KAT6B: variants seen among roughly 807,000 people sequenced by gnomAD.
The protein encoded by KAT6B is histone acetyltransferase KAT6B.
In KAT6B, 10 loss-of-function variants were observed where a neutral mutation model predicts 187.5. The ratio of observed to expected loss-of-function variants is 0.05; its 90% confidence interval spans 0.03 to 0.09. The LOEUF (loss-of-function observed/expected upper bound fraction) is 0.09, where lower values mean the gene tolerates loss of function less well. KAT6B is among the 10% of genes least tolerant of loss of function. The pLI is 1.00. For missense variants in KAT6B, 1,952 were observed against 2,558.9 expected, an observed-to-expected ratio of 0.76 and a Z score of 5.12; for synonymous variants, 861 against 926.8, an observed-to-expected ratio of 0.93 and a Z score of 1.29.
chr10:74,825,971 G>A (rs1661005022), upstream of KAT6B, among the ~76,000 whole-genome samples: 1 of 151,598 alleles, frequency 6.6e-6, no homozygotes, highest in Non-Finnish European at 1.5e-5. The surrounding 1 kb of genome is among the most constrained non-coding windows in gnomAD (Gnocchi z 5.0). Context: ...CGCTCCGGGC[G>A]GCGCGCCCGT....
chr10:74,965,041 A>G (rs1841363644), intron 4 of KAT6B, among the ~76,000 whole-genome samples: 4 of 152,220 alleles, frequency 2.6e-5, no homozygotes, highest in African/African-American at 9.6e-5. Flanking sequence ...TATAAATCTG[A>G]TCACATAATT....
At chr10:74,919,164 A>G (rs1847926222) in intron 3 of KAT6B, among the ~76,000 whole-genome samples, 1 of 152,130 alleles carries the variant, frequency 6.6e-6, no homozygotes, top group Non-Finnish European at 1.5e-5. Flanking sequence ...TGGAGGTTGC[A>G]GTGAGCCAAG....
chr10:74,976,451 C>A, intron 8 of KAT6B, 121 bp downstream of exon 8: 1 of 832,694 alleles, frequency 1.2e-6, no homozygotes, highest in Non-Finnish European at 2.0e-6. Flanking sequence ...CTCTTGTTCT[C>A]ACTTCACTTT....
chr10:75,022,746 C>T (rs1471443633), intron 16 of KAT6B, among the ~76,000 whole-genome samples: 4 of 152,144 alleles, frequency 2.6e-5, no homozygotes, highest in Non-Finnish European at 4.4e-5. Flanking sequence ...GCCTGGCTAA[C>T]GTGGTGAAAT....
intron 9 of KAT6B, 29 bp from the exon 10 acceptor site, chr10:74,979,195 A>G: frequency 1.4e-6 from 2 of 1,469,672 alleles, no homozygotes; most frequent in Non-Finnish European, 1.9e-6. Context: ...TATATATATT[A>G]TTATTTTCCT....
chr10:75,003,961 C>G (rs1007513309), intron 13 of KAT6B, among the ~76,000 whole-genome samples: 2 of 151,910 alleles, frequency 1.3e-5, no homozygotes, highest in East Asian at 3.9e-4. Context: ...AAATATGAAA[C>G]ATACGGTCTG....
At chr10:74,838,204 G>A (rs2132027580) in intron 1 of KAT6B, among the ~76,000 whole-genome samples, 2 of 152,266 alleles carry the variant, frequency 1.3e-5, no homozygotes, top group East Asian at 3.9e-4. Flanking sequence ...GGTCATATCT[G>A]GGTAGTCCAT....
chr10:74,907,760 C>G (rs527978969), intron 3 of KAT6B, among the ~76,000 whole-genome samples: 2 of 152,284 alleles, frequency 1.3e-5, no homozygotes, highest in African/African-American at 4.8e-5. Context: ...AAACTCTTGA[C>G]CTCAGGTGAT....
At chr10:74,945,102 C>A (rs1389312052) in intron 3 of KAT6B, among the ~76,000 whole-genome samples, 1 of 152,100 alleles carries the variant, frequency 6.6e-6, no homozygotes, top group African/African-American at 2.4e-5. Context: ...CATAGAGCCC[C>A]AAACTGTAAA....
chr10:74,981,401 T>C (rs1398133222), intron 10 of KAT6B, among the ~76,000 whole-genome samples: 1 of 151,918 alleles, frequency 6.6e-6, no homozygotes, highest in East Asian at 1.9e-4. Flanking sequence ...TTTGACGGTG[T>C]CTCACTCTGT....
intron 3 of KAT6B, among the ~76,000 whole-genome samples, chr10:74,879,053 G>GCCGGCA (rs2132497060): frequency 6.6e-6 from 1 of 152,300 alleles, no homozygotes; most frequent in Non-Finnish European, 1.5e-5. Flanking sequence ...CTTGAGCTGA[G>GCCGGCA]CCGTACAACC....
At chr10:74,980,161 A>C (rs745563729) in intron 10 of KAT6B, among the ~76,000 whole-genome samples, 1 of 152,212 alleles carries the variant, frequency 6.6e-6, no homozygotes, top group Non-Finnish European at 1.5e-5. Flanking sequence ...CCCATCTCAA[A>C]AAATAAAAAA....
chr10:74,939,050 A>AACACACACACAC lies in KAT6B; in HGVS notation c.622-20903_622-20892dup, dbSNP rs112617639. ...CCGTGCCCAGCCCCTTTATTTTCTT[A>AACACACACACAC]ACACACACACACACACACACACACA... On this transcript the variant is annotated intron_variant, in intron 3 of 17. Coordinates refer to ENST00000287239, the MANE Select transcript of KAT6B (RefSeq NM_012330.4). Among the ~76,000 whole-genome samples, 878 of 145,758 alleles carry AACACACACACAC rather than the reference A, an allele frequency of 6.0e-3. 8 individuals are homozygous for AACACACACACAC. The highest frequency in any genetic ancestry group is 0.026 in the South Asian group (118 of 4,536).
intron 4 of KAT6B, among the ~76,000 whole-genome samples, chr10:74,966,074 C>T (rs187855763): frequency 2.0e-5 from 3 of 152,212 alleles, no homozygotes; most frequent in African/African-American, 7.2e-5. Context: ...TTGACAGGAC[C>T]GAGATCCTGG....
chr10:74,867,693 T>G (rs900394112), intron 3 of KAT6B, among the ~76,000 whole-genome samples: 23 of 152,220 alleles, frequency 1.5e-4, no homozygotes, highest in African/African-American at 5.5e-4. Flanking sequence ...GGTGGGTGAA[T>G]GTATGCTGAT....
intron 3 of KAT6B, among the ~76,000 whole-genome samples, chr10:74,863,521 G>C (rs1236044094): frequency 6.6e-6 from 1 of 152,134 alleles, no homozygotes; most frequent in Non-Finnish European, 1.5e-5. Context: ...CTAAAGCTTT[G>C]GAAGCATATT....
intron 13 of KAT6B, among the ~76,000 whole-genome samples, chr10:75,017,128 G>A (rs1845033708): frequency 6.6e-6 from 1 of 152,054 alleles, no homozygotes; most frequent in Admixed American, 6.5e-5. Context: ...CTCCCAAAGT[G>A]CTGGGATTAC....
rs1038651107 is a variant in KAT6B at position 74,934,135 on chromosome 10, G to A, written c.622-25835G>A. Among the ~76,000 whole-genome samples, 6 of 142,938 alleles carry A rather than the reference G, an allele frequency of 4.2e-5. No individual in the cohort carries two copies. The East Asian group carries it at 1.3e-3, about 30-fold the overall frequency. 93.8% of individuals were successfully genotyped at this position (142,938 alleles called of 152,430 possible). A position where few individuals can be genotyped will look rare whatever the true frequency, so the allele number is the denominator to read the frequency against. ...TGGGAGGCGGAGGTTGCAGTGAGCCGAGATCGCACCATTGCACTCCAGCCT... is the reference window on the plus strand; with the variant it reads ...TGGGAGGCGGAGGTTGCAGTGAGCCAAGATCGCACCATTGCACTCCAGCCT... On this transcript the variant is annotated intron_variant, in intron 3 of 17. Coordinates refer to ENST00000287239, the MANE Select transcript of KAT6B (RefSeq NM_012330.4).
rs1424763364 is a variant in KAT6B, at chr10:74,977,399, T to G, written c.2077T>G (p.Leu693Val). 1 of 1,613,920 alleles carries G rather than the reference T, an allele frequency of 6.2e-7. No homozygotes were observed. The highest frequency in any genetic ancestry group is 1.7e-5 in the Admixed American group (1 of 60,020). ...CAAGGATGTCGTTACTGAAGAGGAT[T>G]TGGATGTTTTTAAGCAGGCCCAGGA... Reference protein sequence around the residue: ...GNKDVVTEEDLDVFKQAQELS... With the variant: ...GNKDVVTEEDVDVFKQAQELS... The change falls in exon 9 of 18, where the codon TTG (leucine) becomes GTG (valine). Residue 693 changes from leucine to valine, a missense_variant. Leu to Val is a conservative substitution (Grantham distance 32). Coordinates refer to ENST00000287239, the MANE Select transcript of KAT6B (RefSeq NM_012330.4).
Sources: allele counts gnomAD v4.1 joint callset (sites outside exome capture counted in the v4.1 genomes callset), GRCh38; gene constraint gnomAD v4.1.1; non-coding constraint Gnocchi (gnomAD v3.1); transcripts MANE v1.5; gene names NCBI Gene and HGNC (gene_info 2026-07-23, HGNC 2026-07-21).